CRACD: variants seen among roughly 807,000 people sequenced by gnomAD.
CRACD encodes the protein capping protein-inhibiting regulator of actin dynamics.
CRACD carries 56 observed loss-of-function variants against 106.8 expected under a neutral mutation model. The observed-to-expected ratio is 0.52, with a 90% CI of 0.42 to 0.66. The LOEUF is 0.66. CRACD is among the 30% of genes least tolerant of loss of function. The pLI is 0.00. For synonymous variants in CRACD, 754 were observed against 670.8 expected, an observed-to-expected ratio of 1.12 and a Z score of -1.92; for missense variants, 1,730 against 1,623.2, an observed-to-expected ratio of 1.07 and a Z score of -1.13.
At chr4:56,185,178 C>T (rs780027898) in intron 2 of CRACD, among the ~76,000 whole-genome samples, 4 of 152,082 alleles carry the variant, frequency 2.6e-5, no homozygotes, top group Non-Finnish European at 5.9e-5. Context: ...AGGATGGTCT[C>T]GATCTCCTGA....
intron 1 of CRACD, among the ~76,000 whole-genome samples, chr4:56,107,877 C>T (rs1733999776): frequency 6.6e-6 from 1 of 152,198 alleles, no homozygotes; most frequent in Non-Finnish European, 1.5e-5. Context: ...TTGGGATTCA[C>T]ACATTAGGCC....
chr4:56,107,588 T>C (rs1473112290), intron 1 of CRACD, among the ~76,000 whole-genome samples: 1 of 152,170 alleles, frequency 6.6e-6, no homozygotes, highest in African/African-American at 2.4e-5. Context: ...GGCAGTCCCA[T>C]TGGTCTTTTC....
intron 1 of CRACD, among the ~76,000 whole-genome samples, chr4:56,076,911 T>G (rs1225813525): frequency 6.6e-6 from 1 of 151,614 alleles, no homozygotes. Context: ...TGAACATAGG[T>G]TTTTTTTTAA....
chr4:56,305,753 T>C (rs1412636183), intron 4 of CRACD, among the ~76,000 whole-genome samples: 1 of 152,088 alleles, frequency 6.6e-6, no homozygotes, highest in African/African-American at 2.4e-5. Flanking sequence ...CCAGGGGGCA[T>C]GTGGAGGGGA....
chr4:56,274,735 C>A (rs1298173988), intron 3 of CRACD, among the ~76,000 whole-genome samples: 1 of 152,122 alleles, frequency 6.6e-6, no homozygotes, highest in Non-Finnish European at 1.5e-5. Context: ...AAGCTTTGGA[C>A]TATTAATTTT....
chr4:56,098,043 G>C (rs760770887), intron 1 of CRACD, among the ~76,000 whole-genome samples: 1 of 152,130 alleles, frequency 6.6e-6, no homozygotes, highest in Non-Finnish European at 1.5e-5. Context: ...TTTGCTTATA[G>C]GTTTGATTTT....
chr4:56,271,740 A>C (rs541726510), intron 2 of CRACD, among the ~76,000 whole-genome samples: 3 of 151,646 alleles, frequency 2.0e-5, no homozygotes, highest in South Asian at 2.1e-4. Context: ...TTTCTTTTTT[A>C]TTTTATTTAT....
At chr4:56,090,389 C>A (rs1216697552) in intron 1 of CRACD, among the ~76,000 whole-genome samples, 1 of 152,042 alleles carries the variant, frequency 6.6e-6, no homozygotes, top group Non-Finnish European at 1.5e-5. Context: ...GGATGAGCAC[C>A]TGCCAAGCTG....
Position 56,316,065 on chromosome 4 carries a change from TC to T in CRACD, c.2565del (p.Leu856CysfsTer125). 6.2e-7 allele frequency: 1 copy of T among 1,614,018 alleles called. No homozygotes were observed. Among genetic ancestry groups the T allele is most frequent in the Non-Finnish European group, 8.5e-7 (1 of 1,180,000 alleles). On this transcript the variant is annotated frameshift_variant, in exon 8 of 11. Coordinates refer to ENST00000682029, the MANE Select transcript of CRACD (RefSeq NM_001393381.1). LOFTEE classifies it high-confidence loss of function. ...AATAAAATTGAGAAGGACCAACTAT[TC>T]CTTGCGCTTCAACTGCGACCAACAG... is the stretch of plus-strand genomic sequence containing the variant. ...FGIKLRRTNY[S>X]LRFNCDQQAE...
chr4:56,184,036 T>A (rs1736977072), intron 2 of CRACD, among the ~76,000 whole-genome samples: 1 of 152,170 alleles, frequency 6.6e-6, no homozygotes, highest in African/African-American at 2.4e-5. Flanking sequence ...AAGCTGCCTC[T>A]CATCTAAAGA....
chr4:56,268,029 TC>T (rs1742131543), intron 2 of CRACD, among the ~76,000 whole-genome samples: 1 of 152,052 alleles, frequency 6.6e-6, no homozygotes, highest in Non-Finnish European at 1.5e-5. Context: ...ACTTGCTGTT[TC>T]CCCCAACAAT....
At chr4:56,055,136 G>A (rs77113086) in intron 1 of CRACD, among the ~76,000 whole-genome samples, 7,819 of 152,182 alleles carry the variant, frequency 0.051, 242 homozygotes, top group Non-Finnish European at 0.073. Flanking sequence ...GGAAGGACAA[G>A]TTGCTAAAAA....
intron 1 of CRACD, among the ~76,000 whole-genome samples, chr4:56,057,800 T>C (rs1372708820): frequency 1.0e-5 from 1 of 96,068 alleles, no homozygotes. Context: ...ATTTTTTGTA[T>C]TTTTTTTTTT....
intron 2 of CRACD, among the ~76,000 whole-genome samples, chr4:56,183,746 T>C (rs1429709617): frequency 6.6e-6 from 1 of 152,246 alleles, no homozygotes; most frequent in African/African-American, 2.4e-5. Context: ...CGGAGGTTGG[T>C]TGGTGAGGGC....
At chr4:56,172,021 T>TC (rs1491160486) in intron 1 of CRACD, among the ~76,000 whole-genome samples, 1 of 38,338 alleles carries the variant, frequency 2.6e-5, no homozygotes, top group Non-Finnish European at 5.6e-5. Context: ...AGGGTTTCTC[T>TC]TTTTTTTTTT....
intron 1 of CRACD, among the ~76,000 whole-genome samples, chr4:56,127,307 C>A (rs1734689780): frequency 6.6e-6 from 1 of 152,162 alleles, no homozygotes; most frequent in African/African-American, 2.4e-5. Context: ...GTTAAAGCAG[C>A]ACAAACGGAC....
chr4:56,142,674 A>T (rs1044696134), intron 1 of CRACD, among the ~76,000 whole-genome samples: 18 of 152,134 alleles, frequency 1.2e-4, no homozygotes, highest in Non-Finnish European at 1.8e-4. Flanking sequence ...TAATGAGTTT[A>T]AAAAATATTT....
chr4:56,168,551 A>G (rs1323771473), intron 1 of CRACD, among the ~76,000 whole-genome samples: 1 of 151,706 alleles, frequency 6.6e-6, no homozygotes, highest in Non-Finnish European at 1.5e-5. Context: ...TCATAAAATG[A>G]GTCTCATTGA....
At chr4:56,200,877 A>G (rs533439664) in intron 2 of CRACD, among the ~76,000 whole-genome samples, 38 of 152,318 alleles carry the variant, frequency 2.5e-4, no homozygotes, top group African/African-American at 8.4e-4. Context: ...AAAGTTTTGT[A>G]ATTCCGTGTG....
Sources: allele counts gnomAD v4.1 joint callset (sites outside exome capture counted in the v4.1 genomes callset), GRCh38; gene constraint gnomAD v4.1.1; transcripts MANE v1.5; gene names NCBI Gene and HGNC (gene_info 2026-07-23, HGNC 2026-07-21).